The following CRACDL variants were observed in gnomAD, a reference collection of about 807,000 sequenced individuals.
The protein encoded by CRACDL is CRACD like, also known as CRACD-like protein.
In CRACDL, 26 loss-of-function variants were observed where a neutral mutation model predicts 70.6. The ratio of observed to expected loss-of-function variants is 0.37; its 90% CI spans 0.27 to 0.51. The LOEUF is 0.51. Ranked by LOEUF, CRACDL falls within the 20% of genes least tolerant of loss-of-function variation. The probability of loss-of-function intolerance (pLI) is 0.94; values close to 1 mark genes in which losing one functional copy is unlikely to be tolerated. For synonymous variants in CRACDL, 618 were observed against 615.2 expected (o/e 1.00, Z -0.07); for missense variants, 1,283 against 1,376.9 (o/e 0.93, Z 1.08).
intron 3 of CRACDL, among the ~76,000 whole-genome samples, chr2:98,833,479 CATA>C: frequency 6.6e-6 from 1 of 152,238 alleles, no homozygotes; most frequent in Non-Finnish European, 1.5e-5. Context: ...CAGACCAAGA[CATA>C]CATCCGTGGG....
intron 4 of CRACDL, 138 bp downstream of exon 4, chr2:98,832,724 G>T: frequency 3.5e-6 from 4 of 1,153,816 alleles, no homozygotes; most frequent in Non-Finnish European, 3.8e-6. Context: ...CAGCTCATTT[G>T]GTGTGTCCTG....
intron 7 of CRACDL, among the ~76,000 whole-genome samples, chr2:98,821,447 G>A (rs1194327609): frequency 1.3e-5 from 2 of 152,200 alleles, no homozygotes; most frequent in African/African-American, 4.8e-5. Context: ...CAAAGTGCTG[G>A]GATTACAGGC....
At chr2:98,918,836 C>G (rs1283701997) in intron 1 of CRACDL, among the ~76,000 whole-genome samples, 1 of 152,060 alleles carries the variant, frequency 6.6e-6, no homozygotes. Context: ...GGATATTAGT[C>G]CCCTATTGGA....
intron 1 of CRACDL, among the ~76,000 whole-genome samples, chr2:98,872,955 C>T (rs1005871508): frequency 6.6e-6 from 1 of 152,178 alleles, no homozygotes. Context: ...ACTTCGCATG[C>T]ATTTTGTTCA....
chr2:98,819,400 C>T (rs1704928719), intron 7 of CRACDL, among the ~76,000 whole-genome samples: 1 of 152,252 alleles, frequency 6.6e-6, no homozygotes, highest in Non-Finnish European at 1.5e-5. Context: ...TCCCTTGCTA[C>T]TTCAATGGCT....
intron 1 of CRACDL, among the ~76,000 whole-genome samples, chr2:98,933,372 G>A (rs1032298001): frequency 6.6e-6 from 1 of 152,186 alleles, no homozygotes; most frequent in Non-Finnish European, 1.5e-5. Flanking sequence ...GAAAGACTGA[G>A]AGACTGACTC....
intron 1 of CRACDL, among the ~76,000 whole-genome samples, chr2:98,870,740 G>A (rs72960707): frequency 0.12 from 18,634 of 152,234 alleles, 1,575 homozygotes; most frequent in Admixed American, 0.24. Flanking sequence ...GGTGGGCCGG[G>A]TTGAGCATGC....
Position 98,823,425 on chromosome 2 carries a change from T to G in CRACDL, c.848A>C (p.Gln283Pro), listed in dbSNP as rs1307350414. The change falls in exon 7 of 10, where the codon CAG becomes CCG. Residue 283 changes from glutamine to proline, a missense_variant. Gln to Pro is a moderately conservative substitution (Grantham distance 76). This residue lies in a region of CRACDL where 362 missense variants were observed against 495.0 expected (regional missense o/e 0.73). Transcript: ENST00000397899. This position sits in a 1 kb window ranked among gnomAD's most constrained non-coding sequence, Gnocchi z 4.0. ...SPEERPSSGQ[Q>P]DVAPDRGPEP... ...AGGGCCTCTGTCTGGCGCCACGTCC[T>G]GCTGCCCAGAGCTGGGGCGCTCTTC... 2 of 1,577,498 alleles carry G rather than the reference T, an allele frequency of 1.3e-6. No individual in the cohort carries two copies. Among genetic ancestry groups the G allele is most frequent in the African/African-American group, 2.7e-5 (2 of 74,292 alleles).
chr2:98,834,366 C>A (rs1705679139), intron 3 of CRACDL, among the ~76,000 whole-genome samples: 2 of 152,314 alleles, frequency 1.3e-5, no homozygotes, highest in South Asian at 4.1e-4. Context: ...GAATGTCATA[C>A]AATGGAGGAC....
intron 1 of CRACDL, among the ~76,000 whole-genome samples, chr2:98,926,830 G>A (rs924822405): frequency 6.6e-6 from 1 of 152,166 alleles, no homozygotes; most frequent in African/African-American, 2.4e-5. Flanking sequence ...TGCAGCGAAG[G>A]GTTGCTCGGT....
chr2:98,830,675 AC>A (rs1443245919), intron 5 of CRACDL, among the ~76,000 whole-genome samples: 1 of 152,066 alleles, frequency 6.6e-6, no homozygotes, highest in African/African-American at 2.4e-5. Context: ...AAATCTCAGA[AC>A]TTTTTTTTTT....
intron 1 of CRACDL, among the ~76,000 whole-genome samples, chr2:98,874,607 C>G (rs1364635355): frequency 6.6e-6 from 1 of 152,218 alleles, no homozygotes; most frequent in African/African-American, 2.4e-5. Context: ...ACCTCCTCCA[C>G]GGCCTCCAAA....
chr2:98,807,266 C>T (rs1012439005), intron 7 of CRACDL, among the ~76,000 whole-genome samples: 3 of 152,192 alleles, frequency 2.0e-5, no homozygotes, highest in Admixed American at 6.5e-5. Context: ...AGAGGTATGA[C>T]CTCATGACTG....
At chr2:98,926,271 C>T (rs943367060) in intron 1 of CRACDL, among the ~76,000 whole-genome samples, 27 of 152,096 alleles carry the variant, frequency 1.8e-4, no homozygotes, top group African/African-American at 6.5e-4. Flanking sequence ...AATATGGGTT[C>T]CCCAGACAGG....
chr2:98,837,989 A>G (rs1705868347), intron 3 of CRACDL, 130 bp downstream of exon 3: 2 of 726,600 alleles, frequency 2.8e-6, no homozygotes, highest in Non-Finnish European at 4.3e-6. Context: ...CAGAAAACAC[A>G]ACTTCTATGG....
At chr2:98,930,638 G>A (rs976344487) in intron 1 of CRACDL, among the ~76,000 whole-genome samples, 3 of 151,044 alleles carry the variant, frequency 2.0e-5, no homozygotes, top group Admixed American at 6.6e-5. Flanking sequence ...CCGTCCCCTC[G>A]CTTCTCCCTG....
In CRACDL at chr2:98,832,521, G is replaced by C; in HGVS notation, c.376-9C>G. On this transcript the variant is annotated splice_polypyrimidine_tract_variant and intron_variant, in intron 4 of 9. Transcript: ENST00000397899. ...TTACACTGTATTTTTAACTAGATTG[G>C]AATAAAGAACATGTGCTCTTATTTT... 6.4e-7 allele frequency: 1 copy of C among 1,572,706 alleles called. No homozygotes were observed. Among genetic ancestry groups the C allele is most frequent in the Admixed American group, 1.9e-5 (1 of 53,696 alleles).
At chr2:98,863,967 A>G (rs892406999) in intron 1 of CRACDL, among the ~76,000 whole-genome samples, 2 of 152,180 alleles carry the variant, frequency 1.3e-5, no homozygotes, top group East Asian at 1.9e-4. Flanking sequence ...GACCCCAAAA[A>G]GAGTTCTGGG....
intron 7 of CRACDL, among the ~76,000 whole-genome samples, chr2:98,811,799 C>T (rs1704577186): frequency 6.6e-6 from 1 of 152,108 alleles, no homozygotes; most frequent in Non-Finnish European, 1.5e-5. Flanking sequence ...ATTCAGTTTG[C>T]AATTTTGAAA....
Sources: allele counts gnomAD v4.1 joint callset (sites outside exome capture counted in the v4.1 genomes callset), GRCh38; gene constraint gnomAD v4.1.1; regional missense constraint gnomAD v4.1.1; non-coding constraint Gnocchi (gnomAD v3.1); transcripts MANE v1.5; gene names NCBI Gene and HGNC (gene_info 2026-07-23, HGNC 2026-07-21).